Variants in BMPR1B observed in about 807,000 individuals in gnomAD.
BMPR1B encodes the protein bone morphogenetic protein receptor type 1B, also known as bone morphogenetic protein receptor type-1B.
A neutral mutation model predicts 59.1 loss-of-function variants in BMPR1B; 12 were observed. The ratio of observed to expected loss-of-function variants is 0.20; its 90% CI spans 0.13 to 0.33. The LOEUF (loss-of-function observed/expected upper bound fraction) is 0.33. Ranked by LOEUF, BMPR1B falls within the 10% of genes least tolerant of loss-of-function variation. The probability of loss-of-function intolerance (pLI) is 1.00; values close to 1 mark genes in which losing one functional copy is unlikely to be tolerated. For missense variants in BMPR1B, 550 were observed against 610.9 expected (o/e 0.90, Z 1.05); for synonymous variants, 237 against 207.3 (o/e 1.14, Z -1.23).
At chr4:94,867,840 T>A (rs938823352) in intron 1 of BMPR1B, among the ~76,000 whole-genome samples, 2 of 152,088 alleles carry the variant, frequency 1.3e-5, no homozygotes, top group Non-Finnish European at 2.9e-5. Flanking sequence ...AGTTGCATAT[T>A]AAGATCACCG....
chr4:94,793,627 C>T (rs1723067412), intron 1 of BMPR1B, among the ~76,000 whole-genome samples: 2 of 147,364 alleles, frequency 1.4e-5, no homozygotes, highest in Non-Finnish European at 3.0e-5. Flanking sequence ...AGTTTACAGT[C>T]CCACCAACAG....
chr4:94,989,066 C>G (rs924145958), intron 2 of BMPR1B, among the ~76,000 whole-genome samples: 2 of 151,986 alleles, frequency 1.3e-5, no homozygotes, highest in Non-Finnish European at 2.9e-5. Flanking sequence ...TTGTAGTATT[C>G]ACAACTAAGT....
intron 8 of BMPR1B, among the ~76,000 whole-genome samples, chr4:95,128,924 C>A: frequency 6.6e-6 from 1 of 152,048 alleles, no homozygotes; most frequent in East Asian, 1.9e-4. Context: ...AATTCATTCT[C>A]TATAATCTTC....
At chr4:95,044,406 T>C (rs1266503512) in intron 3 of BMPR1B, among the ~76,000 whole-genome samples, 1 of 152,210 alleles carries the variant, frequency 6.6e-6, no homozygotes, top group Non-Finnish European at 1.5e-5. Context: ...TTTTGTGTCC[T>C]GCCTGCTCTC....
intron 2 of BMPR1B, among the ~76,000 whole-genome samples, chr4:94,979,392 A>G (rs1011918308): frequency 2.6e-5 from 4 of 152,218 alleles, no homozygotes; most frequent in Admixed American, 6.5e-5. Context: ...AAGTTTTACT[A>G]TATAAACATC....
chr4:95,065,593 G>A (rs1390809693), intron 3 of BMPR1B, among the ~76,000 whole-genome samples: 1 of 152,008 alleles, frequency 6.6e-6, no homozygotes, highest in Non-Finnish European at 1.5e-5. Context: ...TATCTGTTAA[G>A]ATTTTATAAA....
rs140047318 is a variant in BMPR1B at position 95,152,757 on chromosome 4, G to A, written c.1367G>A (p.Arg456Gln). The change falls in exon 12 of 13, where the codon CGG (arginine) becomes CAG (glutamine). Residue 456 changes from arginine to glutamine, a missense_variant. This residue lies in a region of BMPR1B where 123 missense variants were observed against 164.6 expected (regional missense o/e 0.75). Coordinates refer to ENST00000515059, the MANE Select transcript of BMPR1B (RefSeq NM_001203.3). ...IKKLRPSFPN[R>Q]WSSDECLRQM... ...AAGTTACGCCCCTCATTCCCAAACC[G>A]GTGGAGCAGTGATGAGGTAAGGCTT... 62 of 1,611,752 alleles carry A rather than the reference G, an allele frequency of 3.8e-5. No homozygotes were observed. Among genetic ancestry groups the A allele is most frequent in the African/African-American group, 1.2e-4 (9 of 74,864 alleles).
chr4:95,141,444 C>T (rs1441245700), intron 10 of BMPR1B, among the ~76,000 whole-genome samples: 1 of 152,068 alleles, frequency 6.6e-6, no homozygotes, highest in Non-Finnish European at 1.5e-5. Context: ...GAAAGGCTCC[C>T]AGGGAAGTCG....
At chr4:94,900,633 T>C (rs914686144) in intron 2 of BMPR1B, among the ~76,000 whole-genome samples, 16 of 152,038 alleles carry the variant, frequency 1.1e-4, no homozygotes, top group Non-Finnish European at 1.2e-4. Flanking sequence ...GATATATATG[T>C]TATTTGAGGC....
In BMPR1B at chr4:94,970,717, T is replaced by C. The variant is rs1730760791; in HGVS notation, c.-112-25323T>C. On this transcript the variant is annotated intron_variant, in intron 2 of 12. Transcript: ENST00000515059. ...GTGATATTTTGATAGCATCACACAA[T>C]GTGTAATGATTAAATCTCAGTAATT... is the stretch of plus-strand genomic sequence containing the variant. Among the ~76,000 whole-genome samples, 2 of 152,218 alleles carry C rather than the reference T, an allele frequency of 1.3e-5. 1 individual carries two copies. Among genetic ancestry groups the C allele is most frequent in the South Asian group, 4.1e-4 (2 of 4,834 alleles).
intron 12 of BMPR1B, among the ~76,000 whole-genome samples, chr4:95,153,212 G>A (rs1249996025): frequency 6.6e-6 from 1 of 152,166 alleles, no homozygotes; most frequent in Non-Finnish European, 1.5e-5. Context: ...GCCTGACTGT[G>A]CTGGGTGTCT....
At chr4:94,930,363 G>C (rs1373385207) in intron 2 of BMPR1B, among the ~76,000 whole-genome samples, 2 of 152,054 alleles carry the variant, frequency 1.3e-5, no homozygotes, top group Non-Finnish European at 2.9e-5. Context: ...CTTCCACTGT[G>C]GTTCAGATTG....
intron 2 of BMPR1B, among the ~76,000 whole-genome samples, chr4:94,963,581 T>A (rs1027228849): frequency 2.0e-5 from 3 of 152,162 alleles, no homozygotes; most frequent in Non-Finnish European, 4.4e-5. Context: ...TTTTCCAGCA[T>A]CATTTATTGA....
intron 1 of BMPR1B, among the ~76,000 whole-genome samples, chr4:94,772,089 A>C (rs1266218683): frequency 6.6e-6 from 1 of 152,366 alleles, no homozygotes; most frequent in East Asian, 1.9e-4. Flanking sequence ...CATCATCTGT[A>C]ATAGAGATAT....
At chr4:94,963,813 T>C (rs1463074015) in intron 2 of BMPR1B, among the ~76,000 whole-genome samples, 2 of 152,108 alleles carry the variant, frequency 1.3e-5, no homozygotes, top group Admixed American at 6.6e-5. Flanking sequence ...TTCGCTATTC[T>C]AGGTCTTTTG....
At chr4:95,029,943 G>A (rs1578956518) in intron 3 of BMPR1B, among the ~76,000 whole-genome samples, 2 of 151,936 alleles carry the variant, frequency 1.3e-5, no homozygotes, top group African/African-American at 2.4e-5. Context: ...CATATCCTTT[G>A]CCCACTTTTT....
chr4:95,115,772 C>G lies in BMPR1B; in HGVS notation c.334C>G (p.Pro112Ala). The G allele has an allele frequency of 6.2e-7, 1 of 1,612,268 alleles. No individual in the cohort carries two copies. Among genetic ancestry groups the G allele is most frequent in the Non-Finnish European group, 8.5e-7 (1 of 1,178,594 alleles). Residue 112 changes from proline to alanine, a missense_variant, in exon 6 of 13, where the codon CCA becomes GCA. Around this residue, in one of 6 missense-constraint regions of BMPR1B, gnomAD observed 20 missense variants for 39.9 expected, o/e 0.50. Coordinates refer to ENST00000515059, the MANE Select transcript of BMPR1B (RefSeq NM_001203.3). ...TAAAGACCTACACCCTACACTGCCT[C>G]CATTGAAAAACAGAGGTAAGTGAGG... The part of the protein sequence containing the change: ...CNKDLHPTLP[P>A]LKNRDFVDGP...
intron 1 of BMPR1B, among the ~76,000 whole-genome samples, chr4:94,776,284 G>A (rs1268563958): frequency 6.6e-6 from 1 of 152,056 alleles, no homozygotes; most frequent in African/African-American, 2.4e-5. Flanking sequence ...GGAAATATTT[G>A]GGAGTATTTG....
intron 3 of BMPR1B, among the ~76,000 whole-genome samples, chr4:95,046,435 G>A (rs1253641087): frequency 1.3e-5 from 2 of 152,058 alleles, no homozygotes; most frequent in Admixed American, 1.3e-4. Context: ...CTATATTCTG[G>A]GCACTGTATT....
Sources: allele counts gnomAD v4.1 joint callset (sites outside exome capture counted in the v4.1 genomes callset), GRCh38; gene constraint gnomAD v4.1.1; regional missense constraint gnomAD v4.1.1; transcripts MANE v1.5; gene names NCBI Gene and HGNC (gene_info 2026-07-23, HGNC 2026-07-21).